Variants in MAGI2 observed in about 807,000 individuals in gnomAD.
The protein encoded by MAGI2 is membrane-associated guanylate kinase, WW and PDZ domain-containing protein 2.
Under a neutral mutation model 133.3 loss-of-function variants are expected in MAGI2, and 35 were observed. That is an observed-to-expected ratio of 0.26 (90% CI 0.20 to 0.35). The LOEUF (loss-of-function observed/expected upper bound fraction) is 0.35. Among genes scored for constraint, MAGI2 ranks in the 10% least tolerant of loss-of-function variants. The pLI, the probability that MAGI2 is intolerant of heterozygous loss-of-function variation, is 1.00. For synonymous variants in MAGI2, 729 were observed against 710.6 expected (o/e 1.03, Z -0.41); for missense variants, 1,636 against 1,863.4 (o/e 0.88, Z 2.25).
At chr7:78,309,908 T>C (rs985954338) in intron 9 of MAGI2, among the ~76,000 whole-genome samples, 1 of 152,080 alleles carries the variant, frequency 6.6e-6, no homozygotes, top group African/African-American at 2.4e-5. Context: ...ATATTCTACA[T>C]AAAAATCCTA....
intron 1 of MAGI2, among the ~76,000 whole-genome samples, chr7:79,028,257 A>ACG (rs1810147433): frequency 4.5e-5 from 1 of 22,312 alleles, no homozygotes; most frequent in African/African-American, 1.3e-4. Context: ...ATATATATAT[A>ACG]TATATATATA....
chr7:79,374,015 G>C (rs189281849), intron 1 of MAGI2, among the ~76,000 whole-genome samples: 33 of 152,000 alleles, frequency 2.2e-4, no homozygotes, highest in Admixed American at 1.8e-3. Flanking sequence ...CTACTAACTG[G>C]AAAGCTCTTC....
At chr7:78,269,483 G>T (rs1794351313) in intron 9 of MAGI2, among the ~76,000 whole-genome samples, 1 of 152,112 alleles carries the variant, frequency 6.6e-6, no homozygotes, top group African/African-American at 2.4e-5. Context: ...ATTCTAACTG[G>T]CATGAGATAG....
chr7:78,928,312 T>G (rs1261429855), intron 2 of MAGI2, among the ~76,000 whole-genome samples: 1 of 151,940 alleles, frequency 6.6e-6, no homozygotes, highest in African/African-American at 2.4e-5. Flanking sequence ...ACTAAGGTTA[T>G]GACAAAGAGA....
chr7:79,214,360 CCTCTCTCTCTCTCTCTCTCTCTCTCTCT>C lies in MAGI2; in HGVS notation c.302-207182_302-207155del, dbSNP rs71531163. Among the ~76,000 whole-genome samples the C allele has an allele frequency of 8.7e-4, 24 of 27,566 alleles. 1 individual carries two copies. The highest frequency in any genetic ancestry group is 2.6e-3 in the African/African-American group (18 of 6,828). The allele number at this position is 27,566 out of a possible 152,430, so 18.1% of individuals were successfully genotyped here. On this transcript the variant is annotated intron_variant, in intron 1 of 21. Coordinates refer to ENST00000354212, the MANE Select transcript of MAGI2 (RefSeq NM_012301.4). The stretch of plus-strand genomic sequence containing the variant: ...GGACATGTCATTTCTGCATTACGCA[CCTCTCTCTCTCTCTCTCTCTCTCTCTCT>C]CTCTCTCTCTCTCTCTCTCTATATA...
At chr7:78,386,677 G>T (rs1226673811) in intron 6 of MAGI2, among the ~76,000 whole-genome samples, 1 of 152,116 alleles carries the variant, frequency 6.6e-6, no homozygotes, top group Non-Finnish European at 1.5e-5. Context: ...TGTACCTCTG[G>T]TAACAACTGG....
chr7:78,982,663 C>A (rs1396263153), intron 2 of MAGI2, among the ~76,000 whole-genome samples: 1 of 151,770 alleles, frequency 6.6e-6, no homozygotes, highest in African/African-American at 2.4e-5. Flanking sequence ...AACACAAAAT[C>A]CCCTCTAACC....
At chr7:78,901,201 T>C (rs1016430004) in intron 2 of MAGI2, 1 of 152,202 alleles carries the variant, frequency 6.6e-6, no homozygotes, top group Non-Finnish European at 1.5e-5. Context: ...ATTCTGTTGT[T>C]AGTGATTTAA....
chr7:79,444,254 A>G (rs867370168), intron 1 of MAGI2, among the ~76,000 whole-genome samples: 62 of 152,346 alleles, frequency 4.1e-4, no homozygotes, highest in African/African-American at 1.5e-3. Flanking sequence ...AAACTGGCTC[A>G]AGACAGGGAT....
chr7:79,024,730 T>C (rs1482359494), intron 1 of MAGI2, among the ~76,000 whole-genome samples: 6 of 152,086 alleles, frequency 3.9e-5, no homozygotes, highest in Admixed American at 2.6e-4. Flanking sequence ...GACATATGCA[T>C]GGACAACAAG....
chr7:78,557,536 T>C (rs1799957253), intron 3 of MAGI2, among the ~76,000 whole-genome samples: 1 of 152,200 alleles, frequency 6.6e-6, no homozygotes, highest in South Asian at 2.1e-4. Context: ...GTGATGGTAC[T>C]ATGAAACACA....
At chr7:79,058,689 A>T (rs1274862199) in intron 1 of MAGI2, among the ~76,000 whole-genome samples, 3 of 152,134 alleles carry the variant, frequency 2.0e-5, no homozygotes, top group African/African-American at 7.2e-5. Context: ...GAGGTAGGAG[A>T]ATAACAGAAA....
At chr7:78,414,376 A>C (rs1360710996) in intron 6 of MAGI2, among the ~76,000 whole-genome samples, 1 of 152,076 alleles carries the variant, frequency 6.6e-6, no homozygotes, top group African/African-American at 2.4e-5. Context: ...AAAACATGAA[A>C]AAATACATAT....
chr7:78,101,585 A>T (rs1367006663), intron 20 of MAGI2, among the ~76,000 whole-genome samples: 2 of 152,226 alleles, frequency 1.3e-5, no homozygotes, highest in African/African-American at 4.8e-5. Context: ...ATAAAACCTG[A>T]AAATTTAAAA....
intron 1 of MAGI2, among the ~76,000 whole-genome samples, chr7:79,423,206 C>T (rs1381229605): frequency 7.6e-6 from 1 of 131,024 alleles, no homozygotes; most frequent in Non-Finnish European, 1.5e-5. Flanking sequence ...ATTTTGAAAT[C>T]GTTGTACACA....
intron 1 of MAGI2, among the ~76,000 whole-genome samples, chr7:79,431,825 C>G (rs1414031113): frequency 6.6e-6 from 1 of 152,296 alleles, no homozygotes; most frequent in East Asian, 1.9e-4. Context: ...ATCCTCTAGA[C>G]TCTGCACTAT....
intron 1 of MAGI2, among the ~76,000 whole-genome samples, chr7:79,053,761 C>T (rs1215349467): frequency 6.6e-6 from 1 of 151,978 alleles, no homozygotes. Flanking sequence ...CAGAATAAGA[C>T]AAAATTATAT....
At chr7:79,171,963 G>T (rs1041068376) in intron 1 of MAGI2, among the ~76,000 whole-genome samples, 13 of 151,220 alleles carry the variant, frequency 8.6e-5, no homozygotes, top group African/African-American at 1.7e-4. Context: ...TTTGGTGTAT[G>T]CCCTTACAGC....
chr7:78,413,942 A>G (rs980352097), intron 6 of MAGI2, among the ~76,000 whole-genome samples: 6 of 152,094 alleles, frequency 3.9e-5, no homozygotes, highest in Non-Finnish European at 7.4e-5. Context: ...GACATAATGA[A>G]GGATTGTCTG....
Sources: gnomAD v4.1 joint callset for allele counts (sites outside exome capture counted in the v4.1 genomes callset) on GRCh38, gnomAD v4.1.1 for gene constraint, MANE v1.5 for transcripts, NCBI Gene and HGNC (gene_info 2026-07-23, HGNC 2026-07-21) for gene names.